The following MAST4 variants were observed in gnomAD, a reference collection of about 807,000 sequenced individuals.
MAST4 encodes microtubule-associated serine/threonine-protein kinase 4.
MAST4 carries 89 observed loss-of-function variants against 162.7 expected under a neutral mutation model. That is an observed-to-expected ratio of 0.55 (90% CI 0.46 to 0.65). The LOEUF (loss-of-function observed/expected upper bound fraction) is 0.65, where lower values mean the gene tolerates loss of function less well. Ranked by LOEUF, MAST4 falls within the 30% of genes least tolerant of loss-of-function variation. The pLI is 0.00. For synonymous variants in MAST4, 1,479 were observed against 1,361.1 expected (o/e 1.09, Z -1.91); for missense variants, 3,153 against 3,374.0 (o/e 0.93, Z 1.62).
intron 4 of MAST4, among the ~76,000 whole-genome samples, chr5:67,045,274 A>G (rs939263962): frequency 4.6e-5 from 7 of 152,190 alleles, no homozygotes; most frequent in Admixed American, 3.9e-4. Context: ...AGCTTCGTGT[A>G]CAATTCGAAG....
At chr5:66,929,344 G>C (rs572564947) in intron 4 of MAST4, among the ~76,000 whole-genome samples, 1 of 152,020 alleles carries the variant, frequency 6.6e-6, no homozygotes, top group Non-Finnish European at 1.5e-5. Flanking sequence ...AGTCTTTTTT[G>C]TTCTGTCTGG....
At chr5:67,044,413 G>A (rs188024158) in intron 4 of MAST4, among the ~76,000 whole-genome samples, 129 of 152,194 alleles carry the variant, frequency 8.5e-4, no homozygotes, top group African/African-American at 2.9e-3. Context: ...CAATTAATAG[G>A]CAATGAGATA....
chr5:67,102,618 A>C lies in MAST4; in HGVS notation c.1146+7A>C. 1 of 1,608,712 alleles carries C rather than the reference A, an allele frequency of 6.2e-7. No individual in the cohort carries two copies. Among genetic ancestry groups the C allele is most frequent in the Non-Finnish European group, 8.5e-7 (1 of 1,175,056 alleles). On this transcript the variant is annotated splice_region_variant and intron_variant, in intron 9 of 28. Coordinates refer to ENST00000403625, the MANE Select transcript of MAST4 (RefSeq NM_001164664.2). Reference sequence around the variant, plus strand: ...CAAAGAAAGGTTCCCAAAGGTAATGAATTGAATTGAAGATGCCTAGCATCT... The same window carrying C: ...CAAAGAAAGGTTCCCAAAGGTAATGCATTGAATTGAAGATGCCTAGCATCT...
intron 14 of MAST4, among the ~76,000 whole-genome samples, chr5:67,127,991 G>A (rs1008017897): frequency 7.9e-5 from 12 of 152,020 alleles, no homozygotes; most frequent in Non-Finnish European, 8.8e-5. Context: ...CAATTTTAGC[G>A]TCTTTAATGG....
At chr5:66,703,960 G>A (rs534151631) in intron 1 of MAST4, among the ~76,000 whole-genome samples, 7 of 152,158 alleles carry the variant, frequency 4.6e-5, no homozygotes, top group Non-Finnish European at 1.0e-4. Context: ...TTTACATAAA[G>A]TATAAGAGTG....
intron 1 of MAST4, among the ~76,000 whole-genome samples, chr5:66,635,132 CT>C (rs1745027793): frequency 6.6e-6 from 1 of 152,212 alleles, no homozygotes; most frequent in Non-Finnish European, 1.5e-5. Context: ...AGCACCAAAT[CT>C]TTCTGGCTTA....
chr5:66,986,599 T>TA (rs1749527081), intron 4 of MAST4: 7 of 205,220 alleles, frequency 3.4e-5, no homozygotes, highest in Non-Finnish European at 2.4e-5. Flanking sequence ...TATGTATGAA[T>TA]TTATATATAT....
chr5:67,080,266 T>C lies in MAST4; in HGVS notation c.764-9896T>C, dbSNP rs117606222. On this transcript the variant is annotated intron_variant, in intron 5 of 28. Transcript: ENST00000403625. ...TGCTTTCCAAATGATTTAAAAATTT[T>C]AAATATGTGCCTTTTATGTACCTAC... Among the ~76,000 whole-genome samples, 30 of 152,336 alleles carry C rather than the reference T, an allele frequency of 2.0e-4. No homozygotes were observed. The East Asian group carries it at 5.8e-3, about 29-fold the overall frequency.
At chr5:67,162,492 T>A in intron 27 of MAST4, 115 bp from the exon 28 acceptor site, 1 of 849,376 alleles carries the variant, frequency 1.2e-6, no homozygotes, top group Non-Finnish European at 1.9e-6. Flanking sequence ...TAATAGGATC[T>A]GCTGTTGTAT....
chr5:66,905,020 C>A (rs1478813967), intron 4 of MAST4, among the ~76,000 whole-genome samples: 3 of 152,022 alleles, frequency 2.0e-5, no homozygotes, highest in African/African-American at 4.8e-5. Context: ...AAAGGAATAT[C>A]CAAGGCCGGG....
At chr5:66,668,655 A>T (rs987568438) in intron 1 of MAST4, among the ~76,000 whole-genome samples, 40 of 152,250 alleles carry the variant, frequency 2.6e-4, no homozygotes, top group Non-Finnish European at 3.4e-4. Flanking sequence ...TAATTCGTGT[A>T]AAGTGTTTAG....
intron 4 of MAST4, among the ~76,000 whole-genome samples, chr5:66,953,043 G>A (rs535411588): frequency 2.3e-3 from 352 of 152,306 alleles, no homozygotes; most frequent in African/African-American, 8.1e-3. Context: ...TGTATTAAAT[G>A]AACGATATGA....
intron 4 of MAST4, among the ~76,000 whole-genome samples, chr5:67,012,821 G>T (rs918972881): frequency 1.3e-5 from 2 of 152,182 alleles, no homozygotes; most frequent in East Asian, 3.8e-4. Context: ...TACAATAAAA[G>T]GACCTGTGGG....
At chr5:67,000,650 A>G (rs1751174285) in intron 4 of MAST4, among the ~76,000 whole-genome samples, 1 of 151,618 alleles carries the variant, frequency 6.6e-6, no homozygotes, top group African/African-American at 2.4e-5. Flanking sequence ...TGGGAGGCTG[A>G]GGCAGGAGAA....
chr5:66,948,789 T>C (rs1444768446), intron 4 of MAST4, among the ~76,000 whole-genome samples: 3 of 152,154 alleles, frequency 2.0e-5, no homozygotes, highest in African/African-American at 7.2e-5. Context: ...ACTATACTTT[T>C]AGTAATCTTT....
intron 1 of MAST4, among the ~76,000 whole-genome samples, chr5:66,673,024 G>A (rs1473685359): frequency 6.6e-6 from 1 of 151,922 alleles, no homozygotes; most frequent in Non-Finnish European, 1.5e-5. Context: ...TTTAATTAGC[G>A]TTTCTCTAAT....
At chr5:67,105,612 G>T (rs1160908248) in intron 10 of MAST4, among the ~76,000 whole-genome samples, 2 of 152,138 alleles carry the variant, frequency 1.3e-5, no homozygotes, top group East Asian at 3.9e-4. Flanking sequence ...TTCTAAGTTG[G>T]CATGGACCTG....
intron 3 of MAST4, among the ~76,000 whole-genome samples, chr5:66,897,501 A>G (rs1357345463): frequency 6.6e-6 from 1 of 152,210 alleles, no homozygotes; most frequent in African/African-American, 2.4e-5. Flanking sequence ...TGGTATTTGC[A>G]GACTTTTGCA....
intron 2 of MAST4, among the ~76,000 whole-genome samples, chr5:66,768,333 G>A (rs1754200939): frequency 6.6e-6 from 1 of 152,162 alleles, no homozygotes; most frequent in African/African-American, 2.4e-5. Flanking sequence ...AAGCAAATGT[G>A]AAAGGGTTGA....
Sources: allele counts gnomAD v4.1 joint callset (sites outside exome capture counted in the v4.1 genomes callset), GRCh38; gene constraint gnomAD v4.1.1; transcripts MANE v1.5; gene names NCBI Gene and HGNC (gene_info 2026-07-23, HGNC 2026-07-21).